Variants in EPHA3 observed in about 807,000 individuals in gnomAD.
The protein encoded by EPHA3 is EPH receptor A3.
A neutral mutation model predicts 107.1 loss-of-function variants in EPHA3; 42 were observed. The observed-to-expected ratio is 0.39, with a 90% CI of 0.31 to 0.51. The LOEUF is 0.51. EPHA3 is among the 20% of genes least tolerant of loss of function. EPHA3 has a pLI of 0.78. For synonymous variants in EPHA3, 461 were observed against 424.8 expected, an observed-to-expected ratio of 1.09 and a Z score of -1.05; for missense variants, 1,183 against 1,211.2, an observed-to-expected ratio of 0.98 and a Z score of 0.35.
In EPHA3 at chr3:89,449,347, A is replaced by G. The variant is rs751881816; in HGVS notation, c.2469A>G (p.Arg823=). 6.3e-7 allele frequency: 1 copy of G among 1,597,122 alleles called. No homozygotes were observed. Among genetic ancestry groups the G allele is most frequent in the Non-Finnish European group, 8.6e-7 (1 of 1,168,694 alleles). ...GGGAGGTGATGTCTTATGGAGAGAGACCATACTGGGAGATGTCCAATCAGG... is the reference window on the plus strand; with the variant it reads ...GGGAGGTGATGTCTTATGGAGAGAGGCCATACTGGGAGATGTCCAATCAGG... ...VLWEVMSYGE[R]PYWEMSNQDV... The change falls in exon 14 of 17, where the codon AGA becomes AGG. Residue 823 remains arginine (R), a synonymous_variant. Coordinates refer to ENST00000336596, the MANE Select transcript of EPHA3 (RefSeq NM_005233.6).
At chr3:89,204,808 A>T (rs1706061638) in intron 2 of EPHA3, among the ~76,000 whole-genome samples, 1 of 152,160 alleles carries the variant, frequency 6.6e-6, no homozygotes, top group South Asian at 2.1e-4. Flanking sequence ...TACTTCCAGG[A>T]CGAAGACTGG....
intron 2 of EPHA3, among the ~76,000 whole-genome samples, chr3:89,168,216 G>C (rs1705122926): frequency 6.6e-6 from 1 of 152,120 alleles, no homozygotes; most frequent in South Asian, 2.1e-4. Flanking sequence ...TAGACCTCTG[G>C]CTGAGGAAAC....
intron 3 of EPHA3, among the ~76,000 whole-genome samples, chr3:89,215,893 A>G (rs530529524): frequency 6.6e-6 from 1 of 151,992 alleles, no homozygotes; most frequent in South Asian, 2.1e-4. Flanking sequence ...ATGATTTTAT[A>G]GGTCATTATT....
chr3:89,466,785 G>A (rs1313841202), intron 15 of EPHA3, among the ~76,000 whole-genome samples: 2 of 137,640 alleles, frequency 1.5e-5, no homozygotes, highest in Non-Finnish European at 3.2e-5. Context: ...AGAAATCACC[G>A]TCTTATGCGT....
chr3:89,120,110 G>A (rs374796788), intron 1 of EPHA3, among the ~76,000 whole-genome samples: 17 of 152,234 alleles, frequency 1.1e-4, no homozygotes, highest in East Asian at 9.6e-4. Flanking sequence ...TGCATATGCT[G>A]TAGTTTAAAC....
chr3:89,239,566 G>A (rs1002760102), intron 3 of EPHA3, among the ~76,000 whole-genome samples: 2 of 152,170 alleles, frequency 1.3e-5, no homozygotes, highest in Non-Finnish European at 2.9e-5. Flanking sequence ...AGTTTTGAAT[G>A]AAGTAAATGG....
intron 2 of EPHA3, among the ~76,000 whole-genome samples, chr3:89,159,458 C>T (rs1207500285): frequency 2.0e-5 from 3 of 152,084 alleles, no homozygotes; most frequent in Admixed American, 6.6e-5. Context: ...TTACCACCAC[C>T]GTTAGTCCCT....
At chr3:89,162,973 C>A (rs1490164569) in intron 2 of EPHA3, among the ~76,000 whole-genome samples, 2 of 152,190 alleles carry the variant, frequency 1.3e-5, no homozygotes, top group Non-Finnish European at 2.9e-5. Flanking sequence ...GCAGTGTCAG[C>A]CTCTTGTATC....
intron 2 of EPHA3, among the ~76,000 whole-genome samples, chr3:89,208,526 A>G (rs547330493): frequency 6.7e-6 from 1 of 149,828 alleles, no homozygotes; most frequent in South Asian, 2.1e-4. Flanking sequence ...AAGGAAGGGA[A>G]AGAAAGAAAG....
chr3:89,202,887 A>AAC (rs1187390959), intron 2 of EPHA3, among the ~76,000 whole-genome samples: 2 of 152,168 alleles, frequency 1.3e-5, no homozygotes, highest in African/African-American at 4.8e-5. Flanking sequence ...TGTGAAATAG[A>AAC]ACACTGTGAG....
intron 2 of EPHA3, among the ~76,000 whole-genome samples, chr3:89,181,210 A>T (rs1365807169): frequency 6.6e-6 from 1 of 151,920 alleles, no homozygotes; most frequent in Non-Finnish European, 1.5e-5. Flanking sequence ...ATTGGTGTTC[A>T]TTGGTTTTCT....
intron 3 of EPHA3, among the ~76,000 whole-genome samples, chr3:89,251,395 C>T (rs1705164400): frequency 6.6e-6 from 1 of 151,850 alleles, no homozygotes; most frequent in Admixed American, 6.6e-5. Flanking sequence ...GTATCAATCA[C>T]AGTAACAATT....
intron 10 of EPHA3, among the ~76,000 whole-genome samples, chr3:89,413,782 G>GT (rs1323291049): frequency 6.6e-6 from 1 of 151,476 alleles, no homozygotes; most frequent in African/African-American, 2.4e-5. Flanking sequence ...AGTCTTATGT[G>GT]TTAAAGCTTT....
intron 3 of EPHA3, among the ~76,000 whole-genome samples, chr3:89,263,836 T>C (rs1705477362): frequency 6.6e-6 from 1 of 152,140 alleles, no homozygotes; most frequent in South Asian, 2.1e-4. Flanking sequence ...ATGGTGGGGT[T>C]TCATTGTGGA....
At chr3:89,338,241 A>T (rs1707436605) in intron 3 of EPHA3, among the ~76,000 whole-genome samples, 1 of 152,172 alleles carries the variant, frequency 6.6e-6, no homozygotes, top group Non-Finnish European at 1.5e-5. Context: ...TTGAGTACCA[A>T]CACTACTTGC....
chr3:89,127,153 C>T, intron 1 of EPHA3, 56 bp from the exon 2 acceptor site: 1 of 1,368,524 alleles, frequency 7.3e-7, no homozygotes, highest in South Asian at 1.2e-5. Flanking sequence ...TCAACAGAAG[C>T]AAATAGAAAT....
chr3:89,114,669 G>A (rs1255791199), intron 1 of EPHA3, among the ~76,000 whole-genome samples: 2 of 152,194 alleles, frequency 1.3e-5, no homozygotes, highest in African/African-American at 2.4e-5. Flanking sequence ...TTCTGCCCCC[G>A]GGCGGACGGT....
chr3:89,342,367 C>A (rs1707549142), intron 5 of EPHA3, among the ~76,000 whole-genome samples: 1 of 152,022 alleles, frequency 6.6e-6, no homozygotes, highest in Non-Finnish European at 1.5e-5. Context: ...AGTAGAGGGG[C>A]TCCTTGGGGG....
At chr3:89,337,846 A>G (rs1707429320) in intron 3 of EPHA3, among the ~76,000 whole-genome samples, 1 of 152,226 alleles carries the variant, frequency 6.6e-6, no homozygotes, top group African/African-American at 2.4e-5. Context: ...ACAGTGACTT[A>G]AACAAACAGG....
Sources: gnomAD v4.1 joint callset for allele counts (sites outside exome capture counted in the v4.1 genomes callset) on GRCh38, gnomAD v4.1.1 for gene constraint, MANE v1.5 for transcripts, NCBI Gene and HGNC (gene_info 2026-07-23, HGNC 2026-07-21) for gene names.